Variants in KLHL29 observed in about 807,000 individuals in gnomAD.
KLHL29 encodes the protein kelch like family member 29.
Under a neutral mutation model 80.4 loss-of-function variants are expected in KLHL29, and 21 were observed. The observed-to-expected ratio is 0.26, with a 90% CI of 0.19 to 0.38. The LOEUF (loss-of-function observed/expected upper bound fraction) is 0.38, where lower values mean the gene tolerates loss of function less well. Ranked by LOEUF, KLHL29 falls within the 10% of genes least tolerant of loss-of-function variation. The pLI is 1.00. For missense variants in KLHL29, 867 were observed against 1,223.9 expected, an observed-to-expected ratio of 0.71 and a Z score of 4.35; for synonymous variants, 511 against 526.8, an observed-to-expected ratio of 0.97 and a Z score of 0.41.
At chr2:23,400,213 G>C (rs1484808266) in intron 1 of KLHL29, among the ~76,000 whole-genome samples, 1 of 152,220 alleles carries the variant, frequency 6.6e-6, no homozygotes, top group African/African-American at 2.4e-5. Flanking sequence ...GATGTGATCA[G>C]ATACCCAAGG....
At chr2:23,705,091 T>C (rs759780427) in intron 13 of KLHL29, among the ~76,000 whole-genome samples, 4 of 152,238 alleles carry the variant, frequency 2.6e-5, no homozygotes, top group Non-Finnish European at 5.9e-5. Context: ...TGTACCCTAA[T>C]GGTGGCAGTG....
chr2:23,513,258 T>C (rs983007101), intron 2 of KLHL29, among the ~76,000 whole-genome samples: 1 of 152,232 alleles, frequency 6.6e-6, no homozygotes, highest in African/African-American at 2.4e-5. Flanking sequence ...CAATTTCTTT[T>C]TTCTTAAACA....
At chr2:23,583,128 G>A (rs1489092913) in intron 3 of KLHL29, among the ~76,000 whole-genome samples, 1 of 152,196 alleles carries the variant, frequency 6.6e-6, no homozygotes, top group East Asian at 1.9e-4. Flanking sequence ...GAGGGGGTGT[G>A]GCCCTGCTGA....
At chr2:23,703,476 A>G in intron 12 of KLHL29, 97 bp downstream of exon 12, 1 of 1,172,988 alleles carries the variant, frequency 8.5e-7, no homozygotes, top group Non-Finnish European at 1.2e-6. Context: ...GCTAAGCCCA[A>G]CAGCTCTGCA....
intron 1 of KLHL29, among the ~76,000 whole-genome samples, chr2:23,393,285 G>A (rs1666367244): frequency 6.6e-6 from 1 of 152,184 alleles, no homozygotes; most frequent in African/African-American, 2.4e-5. Context: ...TCATTGTGTG[G>A]AATTTTTGAT....
chr2:23,703,970 C>A, intron 13 of KLHL29, 107 bp downstream of exon 13: 1 of 1,271,098 alleles, frequency 7.9e-7, no homozygotes, highest in Non-Finnish European at 1.1e-6. Flanking sequence ...ATTCCCAGGC[C>A]CAGAGCAGTG....
At chr2:23,479,567 T>C (rs546631911) in intron 2 of KLHL29, among the ~76,000 whole-genome samples, 10 of 152,226 alleles carry the variant, frequency 6.6e-5, no homozygotes, top group African/African-American at 2.2e-4. Context: ...CTCCCTCTGC[T>C]TCAGCTGTTC....
At chr2:23,598,503 G>A (rs904966634) in intron 3 of KLHL29, among the ~76,000 whole-genome samples, 7 of 152,190 alleles carry the variant, frequency 4.6e-5, no homozygotes, top group African/African-American at 1.4e-4. Flanking sequence ...TGCCAATCAC[G>A]TTCCCTGGTG....
At chr2:23,606,282 G>A (rs987526807) in intron 3 of KLHL29, among the ~76,000 whole-genome samples, 2 of 151,802 alleles carry the variant, frequency 1.3e-5, no homozygotes, top group Admixed American at 1.3e-4. Context: ...AACGTTCCCG[G>A]GCCTTGCACA....
chr2:23,507,273 C>G (rs368781800), intron 2 of KLHL29: 17 of 210,330 alleles, frequency 8.1e-5, no homozygotes, highest in African/African-American at 3.5e-4. Flanking sequence ...CAGGGACTTG[C>G]AGAATGGCTA....
intron 1 of KLHL29, among the ~76,000 whole-genome samples, chr2:23,411,021 C>A (rs947652472): frequency 6.6e-6 from 1 of 152,150 alleles, no homozygotes; most frequent in Non-Finnish European, 1.5e-5. Context: ...CCTTAAATTA[C>A]GTGCTTAAAT....
chr2:23,640,977 A>G (rs1296400120), intron 4 of KLHL29, among the ~76,000 whole-genome samples: 3 of 152,050 alleles, frequency 2.0e-5, no homozygotes, highest in Non-Finnish European at 2.9e-5. Flanking sequence ...TCCACATTCT[A>G]TCCTGTGGGG....
At chr2:23,639,907 C>T (rs528973086) in intron 4 of KLHL29, among the ~76,000 whole-genome samples, 2 of 152,308 alleles carry the variant, frequency 1.3e-5, no homozygotes, top group African/African-American at 4.8e-5. Context: ...TGCCCCACAG[C>T]CCATAGATTC....
Position 23,670,915 on chromosome 2 carries a change from GCGCT to G in KLHL29, c.941-13482_941-13479del, listed in dbSNP as rs1558432820. Among the ~76,000 whole-genome samples the G allele has an allele frequency of 5.2e-4, 14 of 27,068 alleles. 1 individual carries two copies. In the East Asian group the frequency reaches 9.4e-3, roughly 18 times the overall value. 17.8% of individuals were successfully genotyped at this position (27,068 alleles called of 152,430 possible). A position where few individuals can be genotyped will look rare whatever the true frequency, so the allele number is the denominator to read the frequency against. On this transcript the variant is annotated intron_variant, in intron 5 of 13. Coordinates refer to ENST00000486442, the MANE Select transcript of KLHL29 (RefSeq NM_052920.2). ...GGGAGGGGTCTCTACACACATGCAC[GCGCT>G]CTCTCTCTCTCTCTCTCTCTCTCTC...
intron 2 of KLHL29, among the ~76,000 whole-genome samples, chr2:23,553,884 A>T (rs1251353623): frequency 3.3e-5 from 5 of 152,256 alleles, no homozygotes. Flanking sequence ...ATCAGAACTC[A>T]CACAGGGAGT....
rs1394691184 is a variant in KLHL29, at chr2:23,415,997, G to A, written c.-154+30217G>A. Among the ~76,000 whole-genome samples the A allele has an allele frequency of 5.3e-5, 8 of 152,164 alleles. No individual in the cohort carries two copies. The East Asian group carries it at 1.5e-3, about 29-fold the overall frequency. The stretch of plus-strand genomic sequence containing the variant: ...AATTGGTGACACTATTGGGTTGAGG[G>A]GTCGACATTGATCAAAACAACTTTC... On this transcript the variant is annotated intron_variant, in intron 1 of 13. Coordinates refer to ENST00000486442, the MANE Select transcript of KLHL29 (RefSeq NM_052920.2).
At chr2:23,634,398 G>T (rs1279276553) in intron 3 of KLHL29, among the ~76,000 whole-genome samples, 3 of 152,166 alleles carry the variant, frequency 2.0e-5, no homozygotes, top group Non-Finnish European at 1.5e-5. Context: ...GGGTCCTTTG[G>T]CAGTGACTTG....
chr2:23,494,221 A>G (rs1291311816), intron 2 of KLHL29, among the ~76,000 whole-genome samples: 1 of 152,236 alleles, frequency 6.6e-6, no homozygotes, highest in African/African-American at 2.4e-5. Context: ...TTCTTCACCT[A>G]GCACAAATTT....
intron 3 of KLHL29, among the ~76,000 whole-genome samples, chr2:23,579,126 G>A (rs1397080300): frequency 6.6e-6 from 1 of 152,228 alleles, no homozygotes; most frequent in Non-Finnish European, 1.5e-5. Context: ...CATTTGTGGA[G>A]GGCCAGGCCC....
Sources: gnomAD v4.1 joint callset for allele counts (sites outside exome capture counted in the v4.1 genomes callset) on GRCh38, gnomAD v4.1.1 for gene constraint, MANE v1.5 for transcripts, NCBI Gene and HGNC (gene_info 2026-07-23, HGNC 2026-07-21) for gene names.